The following LHFPL2 variants were observed in gnomAD, a reference collection of about 807,000 sequenced individuals.
The protein encoded by LHFPL2 is LHFPL tetraspan subfamily member 2.
Under a neutral mutation model 17.5 loss-of-function variants are expected in LHFPL2, and 7 were observed. The observed-to-expected ratio is 0.40, with a 90% CI of 0.23 to 0.75. LHFPL2 has a LOEUF of 0.75. Ranked by LOEUF, LHFPL2 falls within the 30% of genes least tolerant of loss-of-function variation. The pLI, the probability that LHFPL2 is intolerant of heterozygous loss-of-function variation, is 0.37. For synonymous variants in LHFPL2, 134 were observed against 116.2 expected (o/e 1.15, Z -0.99); for missense variants, 241 against 294.8 (o/e 0.82, Z 1.34).
chr5:78,556,008 T>C (rs1343363354), intron 3 of LHFPL2, among the ~76,000 whole-genome samples: 1 of 152,116 alleles, frequency 6.6e-6, no homozygotes, highest in East Asian at 1.9e-4. Context: ...GAATCAAAAG[T>C]ACCAGGGCAG....
intron 2 of LHFPL2, among the ~76,000 whole-genome samples, chr5:78,578,818 G>A (rs779756724): frequency 1.3e-5 from 2 of 152,300 alleles, no homozygotes; most frequent in Non-Finnish European, 2.9e-5. Context: ...TCTAACTCTA[G>A]GTTCTCAGTA....
intron 3 of LHFPL2, among the ~76,000 whole-genome samples, chr5:78,549,853 G>A (rs898545403): frequency 4.6e-5 from 7 of 152,062 alleles, no homozygotes; most frequent in Non-Finnish European, 7.4e-5. Context: ...CCTGAGTGGG[G>A]GTTATGACTC....
intron 2 of LHFPL2, among the ~76,000 whole-genome samples, chr5:78,596,708 C>G (rs538469472): frequency 6.6e-5 from 10 of 152,290 alleles, no homozygotes; most frequent in South Asian, 4.1e-4. Context: ...CAGAACCCAG[C>G]TAGGAACCCA....
chr5:78,506,012 T>C (rs888792479), intron 4 of LHFPL2, among the ~76,000 whole-genome samples: 2 of 152,228 alleles, frequency 1.3e-5, no homozygotes, highest in Non-Finnish European at 2.9e-5. Flanking sequence ...CAAGGACATG[T>C]GCACAGTATT....
chr5:78,574,047 A>C (rs1458735017), intron 2 of LHFPL2, among the ~76,000 whole-genome samples: 1 of 152,188 alleles, frequency 6.6e-6, no homozygotes, highest in Non-Finnish European at 1.5e-5. Context: ...ACAGAAGAAA[A>C]TTTCTCTTTT....
chr5:78,635,386 C>T (rs1445956938), intron 1 of LHFPL2, among the ~76,000 whole-genome samples: 1 of 152,232 alleles, frequency 6.6e-6, no homozygotes, highest in Non-Finnish European at 1.5e-5. Flanking sequence ...ACCGCCCCCT[C>T]TTCCCCCAGG....
intron 4 of LHFPL2, chr5:78,494,240 T>A: frequency 2.8e-6 from 1 of 357,956 alleles, no homozygotes; most frequent in East Asian, 1.6e-4. Context: ...GATTCATGAC[T>A]GGGTCGCAGC....
At chr5:78,505,244 T>C (rs1182782366) in intron 4 of LHFPL2, among the ~76,000 whole-genome samples, 1 of 152,238 alleles carries the variant, frequency 6.6e-6, no homozygotes, top group African/African-American at 2.4e-5. Flanking sequence ...AAGCCAACCC[T>C]GCTGGCTGAT....
At chr5:78,498,508 G>A (rs1360558547) in intron 4 of LHFPL2, among the ~76,000 whole-genome samples, 1 of 152,166 alleles carries the variant, frequency 6.6e-6, no homozygotes, top group Non-Finnish European at 1.5e-5. Context: ...CTGTTGCTAG[G>A]TGGAGATATT....
At chr5:78,517,833 T>TC (rs1755336745) in intron 3 of LHFPL2, among the ~76,000 whole-genome samples, 1 of 152,172 alleles carries the variant, frequency 6.6e-6, no homozygotes, top group African/African-American at 2.4e-5. Flanking sequence ...AAGGTCCACT[T>TC]GTCTGGTCCT....
intron 2 of LHFPL2, among the ~76,000 whole-genome samples, chr5:78,606,676 ATG>A: frequency 6.6e-6 from 1 of 152,202 alleles, no homozygotes; most frequent in East Asian, 1.9e-4. Context: ...CTGAGCAAGA[ATG>A]TATTTGTTTT....
chr5:78,493,330 T>G (rs1754508550), intron 4 of LHFPL2, among the ~76,000 whole-genome samples: 1 of 152,162 alleles, frequency 6.6e-6, no homozygotes, highest in South Asian at 2.1e-4. Flanking sequence ...GGGCAGGAGT[T>G]CCTGGGCCCT....
chr5:78,563,456 G>C (rs1176272851), intron 3 of LHFPL2, among the ~76,000 whole-genome samples: 1 of 152,086 alleles, frequency 6.6e-6, no homozygotes, highest in African/African-American at 2.4e-5. Flanking sequence ...AGCACTTTGG[G>C]AGGCTGAGGT....
At chr5:78,634,216 G>A (rs192691422) in intron 1 of LHFPL2, among the ~76,000 whole-genome samples, 3 of 152,320 alleles carry the variant, frequency 2.0e-5, no homozygotes, top group East Asian at 3.9e-4. Flanking sequence ...GTTAGGGGGC[G>A]GTGGGGAGGC....
chr5:78,646,930 G>C (rs906160706), intron 1 of LHFPL2, among the ~76,000 whole-genome samples: 17 of 152,110 alleles, frequency 1.1e-4, no homozygotes, highest in African/African-American at 4.1e-4. Flanking sequence ...CTGCTCTGAA[G>C]ACAAATGACT....
At chr5:78,509,555 C>A (rs947340607) in intron 4 of LHFPL2, among the ~76,000 whole-genome samples, 30 of 152,152 alleles carry the variant, frequency 2.0e-4, no homozygotes, top group African/African-American at 7.0e-4. Flanking sequence ...AGGAGGACCA[C>A]GTAAGACCAG....
chr5:78,612,005 G>T (rs938875335), intron 2 of LHFPL2, among the ~76,000 whole-genome samples: 1 of 150,052 alleles, frequency 6.7e-6, no homozygotes, highest in Non-Finnish European at 1.5e-5. Context: ...ATTTCTCTCC[G>T]AAACAACGAA....
intron 2 of LHFPL2, among the ~76,000 whole-genome samples, chr5:78,614,770 G>GT (rs1418936605): frequency 3.3e-5 from 5 of 152,160 alleles, no homozygotes; most frequent in Admixed American, 6.5e-5. Context: ...CCAAAAAGAA[G>GT]TAACTACTGA....
intron 1 of LHFPL2, among the ~76,000 whole-genome samples, chr5:78,632,791 G>A (rs1035046717): frequency 6.6e-6 from 1 of 152,164 alleles, no homozygotes; most frequent in African/African-American, 2.4e-5. Context: ...CTGAAGGGAG[G>A]AAAATACAAG....
Sources: gnomAD v4.1 joint callset for allele counts (sites outside exome capture counted in the v4.1 genomes callset) on GRCh38, gnomAD v4.1.1 for gene constraint, MANE v1.5 for transcripts, NCBI Gene and HGNC (gene_info 2026-07-23, HGNC 2026-07-21) for gene names.